Variants in GLG1 observed in about 807,000 individuals in gnomAD.
The protein encoded by GLG1 is Golgi apparatus protein 1.
In GLG1, 38 loss-of-function variants were observed where a neutral mutation model predicts 160.5. The ratio of observed to expected loss-of-function variants is 0.24; its 90% CI spans 0.18 to 0.31. The LOEUF is 0.31. Ranked by LOEUF, GLG1 falls within the 10% of genes least tolerant of loss-of-function variation. The pLI is 1.00. For synonymous variants in GLG1, 644 were observed against 543.4 expected (o/e 1.19, Z -2.57); for missense variants, 1,373 against 1,505.2 (o/e 0.91, Z 1.45).
intron 1 of GLG1, among the ~76,000 whole-genome samples, chr16:74,587,015 C>T (rs529925291): frequency 8.0e-4 from 121 of 151,120 alleles, no homozygotes; most frequent in African/African-American, 2.8e-3. Flanking sequence ...CTCTTTCTAA[C>T]AAATTCTCCC....
chr16:74,574,606 A>T (rs1184890223), intron 1 of GLG1, among the ~76,000 whole-genome samples: 2 of 152,174 alleles, frequency 1.3e-5, no homozygotes, highest in South Asian at 2.1e-4. Flanking sequence ...AATCTAGGTC[A>T]GTGCAGTGGC....
intron 4 of GLG1, among the ~76,000 whole-genome samples, chr16:74,502,186 A>C (rs553548650): frequency 6.6e-6 from 1 of 152,354 alleles, no homozygotes; most frequent in South Asian, 2.1e-4. Flanking sequence ...AGCAGCAACT[A>C]ATAGGTGATG....
intron 1 of GLG1, among the ~76,000 whole-genome samples, chr16:74,555,933 G>A (rs1458765823): frequency 3.3e-5 from 5 of 151,000 alleles, no homozygotes; most frequent in Non-Finnish European, 7.4e-5. Flanking sequence ...TCACTCTTCT[G>A]GGCTCAAGCA....
intron 2 of GLG1, among the ~76,000 whole-genome samples, chr16:74,527,395 G>A (rs966566677): frequency 6.6e-6 from 1 of 151,598 alleles, no homozygotes; most frequent in African/African-American, 2.4e-5. Flanking sequence ...GATTACTGGT[G>A]TGCACCACCA....
chr16:74,476,480 T>C (rs2015393681), intron 12 of GLG1, among the ~76,000 whole-genome samples: 1 of 152,240 alleles, frequency 6.6e-6, no homozygotes, highest in African/African-American at 2.4e-5. Flanking sequence ...GTCCAATTCC[T>C]GTACGTGTGA....
rs531911810 is a variant in GLG1 at position 74,479,784 on chromosome 16, T to C, written c.1827+457A>G. Among the ~76,000 whole-genome samples, 6 of 152,194 alleles carry C rather than the reference T, an allele frequency of 3.9e-5. No individual in the cohort carries two copies. The East Asian group carries it at 7.7e-4, about 20-fold the overall frequency. On this transcript the variant is annotated intron_variant, in intron 11 of 25. Transcript: ENST00000422840. ...CAAACATCCCAACAAAAAGCAGCAGTTGGGGCAGACAAATACCAAGAGACT... is the reference window on the plus strand; with the variant it reads ...CAAACATCCCAACAAAAAGCAGCAGCTGGGGCAGACAAATACCAAGAGACT...
chr16:74,553,469 GTTTT>G (rs537408696), intron 1 of GLG1, among the ~76,000 whole-genome samples: 7 of 106,082 alleles, frequency 6.6e-5, no homozygotes, highest in Admixed American at 1.2e-4. Flanking sequence ...TTTTGTTTCG[GTTTT>G]TTTTTTTTTT....
chr16:74,530,633 C>CTT (rs548399536), intron 2 of GLG1, among the ~76,000 whole-genome samples: 1 of 143,988 alleles, frequency 6.9e-6, no homozygotes, highest in African/African-American at 2.5e-5. Flanking sequence ...TGTATTTATC[C>CTT]TTTTTTTTTT....
chr16:74,504,318 T>C (rs2016520139), intron 3 of GLG1, among the ~76,000 whole-genome samples: 1 of 152,136 alleles, frequency 6.6e-6, no homozygotes, highest in Admixed American at 6.6e-5. Flanking sequence ...GGCAGAGCCT[T>C]GCTCTGTCGC....
intron 20 of GLG1, 80 bp downstream of exon 20, chr16:74,463,276 G>A (rs1452240756): frequency 1.4e-6 from 2 of 1,395,794 alleles, no homozygotes; most frequent in East Asian, 2.3e-5. Context: ...AGCCCTGGGA[G>A]TTTGAGCAGG....
intron 11 of GLG1, 26 bp from the exon 12 acceptor site, chr16:74,477,559 A>T (rs746779871): frequency 1.1e-5 from 18 of 1,592,996 alleles, no homozygotes; most frequent in Non-Finnish European, 1.5e-5. Flanking sequence ...TGAGCTAAAT[A>T]CTTGAAAGGT....
intron 6 of GLG1, among the ~76,000 whole-genome samples, chr16:74,493,724 G>C (rs2016084336): frequency 6.6e-6 from 1 of 152,152 alleles, no homozygotes; most frequent in Non-Finnish European, 1.5e-5. Context: ...CAGGGACAAA[G>C]AACTAAAAGA....
intron 1 of GLG1, among the ~76,000 whole-genome samples, chr16:74,594,736 G>A (rs770383653): frequency 1.3e-5 from 2 of 149,022 alleles, no homozygotes; most frequent in Non-Finnish European, 3.0e-5. Flanking sequence ...AGATTAGGAG[G>A]CTTTTGTTTT....
intron 2 of GLG1, among the ~76,000 whole-genome samples, chr16:74,525,789 C>G (rs1289498820): frequency 6.7e-6 from 1 of 149,838 alleles, no homozygotes; most frequent in East Asian, 1.9e-4. Context: ...TAAGTATTTT[C>G]TCTCATTGTA....
chr16:74,540,962 T>C (rs1196838998), intron 1 of GLG1, among the ~76,000 whole-genome samples: 3 of 152,054 alleles, frequency 2.0e-5, no homozygotes, highest in African/African-American at 7.2e-5. Context: ...TTGTAGGAAA[T>C]ACATCAAAAA....
intron 13 of GLG1, 194 bp downstream of exon 13, chr16:74,474,352 G>C (rs975416385): frequency 5.2e-6 from 3 of 573,460 alleles, no homozygotes; most frequent in South Asian, 2.2e-5. Context: ...TGTTGTTCTA[G>C]AGAAATGAGG....
At position 74,454,756 on chromosome 16, in the gene GLG1, T is replaced by A. The variant is rs544777965; in HGVS notation, c.3373-1422A>T. On this transcript the variant is annotated intron_variant, in intron 25 of 25. Transcript: ENST00000422840. ...TATGTTGCCCAAGCTGGTCTCGAAC[T>A]CCTGGGCTCAAGTGATCCTCCTGCC... 3.4e-3 allele frequency among the ~76,000 whole-genome samples: 485 copies of A among 142,702 alleles called. 1 individual carries two copies. The highest frequency in any genetic ancestry group is 6.0e-3 in the Non-Finnish European group (395 of 65,922). 93.6% of individuals were successfully genotyped at this position (142,702 alleles called of 152,430 possible). A position where few individuals can be genotyped will look rare whatever the true frequency, so the allele number is the denominator to read the frequency against.
At chr16:74,484,910 G>A (rs1452330176) in intron 9 of GLG1, among the ~76,000 whole-genome samples, 4 of 152,050 alleles carry the variant, frequency 2.6e-5, no homozygotes, top group Middle Eastern at 3.4e-3. Context: ...GAGCCACCAC[G>A]CCTGGCTTGG....
At chr16:74,471,412 A>T in intron 14 of GLG1, 126 bp from the exon 15 acceptor site, 4 of 655,150 alleles carry the variant, frequency 6.1e-6, no homozygotes. Context: ...GACACACCAT[A>T]AATTGTAATC....
Sources: allele counts gnomAD v4.1 joint callset (sites outside exome capture counted in the v4.1 genomes callset), GRCh38; gene constraint gnomAD v4.1.1; transcripts MANE v1.5; gene names NCBI Gene and HGNC (gene_info 2026-07-23, HGNC 2026-07-21).